MED25: variants seen among roughly 807,000 people sequenced by gnomAD.
MED25 encodes mediator complex subunit 25.
In MED25, 62 loss-of-function variants were observed where a neutral mutation model predicts 89.4. The ratio of observed to expected loss-of-function variants is 0.69; its 90% CI spans 0.57 to 0.86. The LOEUF (loss-of-function observed/expected upper bound fraction) is 0.86. Ranked by LOEUF, MED25 falls within the 40% of genes least tolerant of loss-of-function variation. MED25 has a pLI of 0.00. For missense variants in MED25, 905 were observed against 1,005.2 expected (o/e 0.90, Z 1.35); for synonymous variants, 449 against 427.9 (o/e 1.05, Z -0.61).
rs146561968 is a variant in MED25 at position 49,836,662 on chromosome 19, C to T, written c.2147-185C>T. 7.3e-4 allele frequency: 539 copies of T among 738,122 alleles called. 4 individuals are homozygous for T. In the East Asian group the frequency reaches 0.014, roughly 19 times the overall value. The allele number at this position is 738,122 out of a possible 1,614,324, so 45.7% of individuals were successfully genotyped here. The stretch of plus-strand genomic sequence containing the variant: ...TTGCTGGGAAATGTGGTCTTAGGGC[C>T]AGAGAAGTAGTTTTGGAGAAGGGCC... On this transcript the variant is annotated intron_variant, in intron 17 of 17. Coordinates refer to ENST00000312865, the MANE Select transcript of MED25 (RefSeq NM_030973.4). This position sits in a 1 kb window ranked among gnomAD's most constrained non-coding sequence, Gnocchi z 5.1.
In MED25 at chr19:49,836,367, T is replaced by G; in HGVS notation, c.2107T>G (p.Ser703Ala). 6.2e-7 allele frequency: 1 copy of G among 1,607,278 alleles called. No homozygotes were observed. The highest frequency in any genetic ancestry group is 8.5e-7 in the Non-Finnish European group (1 of 1,177,274). Residue 703 changes from serine to alanine, a missense_variant, in exon 17 of 18, where the codon TCC becomes GCC. Physicochemically the swap from Ser to Ala is moderately conservative, Grantham distance 99. Transcript: ENST00000312865. The surrounding 1 kb of genome is among the most constrained non-coding windows in gnomAD (Gnocchi z 5.1). The stretch of plus-strand genomic sequence containing the variant: ...ACTCCTGCATCCACCACCTGCCCAG[T>G]CCTGGCCCGCACAACTTCCCCCTCG... The part of the protein sequence containing the change: ...PPLLHPPPAQ[S>A]WPAQLPPRAP...
chr19:49,818,463 T>C lies in MED25; in HGVS notation c.122T>C (p.Leu41Pro). 2 of 1,614,174 alleles carry C rather than the reference T, an allele frequency of 1.2e-6. No homozygotes were observed. Among genetic ancestry groups the C allele is most frequent in the Non-Finnish European group, 1.7e-6 (2 of 1,180,026 alleles). Residue 41 changes from leucine (L) to proline (P), a missense_variant, in exon 1 of 18, where the codon CTC (leucine) becomes CCC (proline). By Grantham distance (98) the Leu-to-Pro change is moderately conservative. Coordinates refer to ENST00000312865, the MANE Select transcript of MED25 (RefSeq NM_030973.4). ...YFEGLRKHYL[L>P]PAIEYFNGGP... is the part of the protein sequence containing the mutation. ...GAGGGGCTCCGCAAGCACTACCTGC[T>C]CCCGGCCATCGAGTGAGTGCTGTTT...
intron 3 of MED25, 130 bp downstream of exon 3, chr19:49,819,426 C>A: frequency 1.0e-6 from 1 of 971,168 alleles, no homozygotes; most frequent in Non-Finnish European, 1.6e-6. Flanking sequence ...TTGGTGTCCC[C>A]GTGAGGGGCT....
At position 49,835,768 on chromosome 19, in the gene MED25, A is replaced by G. The variant is rs1185106322; in HGVS notation, c.1788A>G (p.Val596=). The G allele has an allele frequency of 6.0e-5, 96 of 1,609,398 alleles. No individual in the cohort carries two copies. The highest frequency in any genetic ancestry group is 1.9e-5 in the Non-Finnish European group (22 of 1,177,754). ...CGCAGCCCCAGCCTCAGGGTACCGT[A>G]GGGGCCTCTGGGGCCACGGGGCAGC... is the stretch of plus-strand genomic sequence containing the variant. The part of the protein sequence containing the change: ...RPPQPQPQGT[V]GASGATGQPQ... The change falls in exon 16 of 18, where the codon GTA becomes GTG. Residue 596 remains valine, a synonymous_variant. Coordinates refer to ENST00000312865, the MANE Select transcript of MED25 (RefSeq NM_030973.4). The surrounding 1 kb of genome is among the most constrained non-coding windows in gnomAD (Gnocchi z 6.2).
chr19:49,836,256 T>C lies in MED25; in HGVS notation c.1996T>C (p.Ser666Pro). ...PQTGVPPPQA[S>P]LHHLQPPGAP... Reference sequence around the variant, plus strand: ...GACTGGGGTGCCCCCACCCCAGGCCTCCCTCCACCACCTCCAGCCACCAGG... The same window carrying C: ...GACTGGGGTGCCCCCACCCCAGGCCCCCCTCCACCACCTCCAGCCACCAGG... Residue 666 changes from serine to proline, a missense_variant, in exon 17 of 18, where the codon TCC (serine) becomes CCC (proline). Physicochemically the swap from Ser to Pro is moderately conservative, Grantham distance 74. This residue lies in a region of MED25 where 271 missense variants were observed against 258.1 expected (regional missense o/e 1.05). Transcript: ENST00000312865. This position sits in a 1 kb window ranked among gnomAD's most constrained non-coding sequence, Gnocchi z 5.1. 6.2e-7 allele frequency: 1 copy of C among 1,612,224 alleles called. No homozygotes were observed. The highest frequency in any genetic ancestry group is 1.7e-4 in the Middle Eastern group (1 of 5,888).
chr19:49,819,772 G>T (rs1600314016), intron 3 of MED25: 1 of 284,642 alleles, frequency 3.5e-6, no homozygotes, highest in East Asian at 9.8e-5. Flanking sequence ...TGTAGCCTCA[G>T]TGCAGGGGGA....
Position 49,834,643 on chromosome 19 carries a change from C to T in MED25, c.1483-343C>T, listed in dbSNP as rs1419783388. 25 of 393,628 alleles carry T rather than the reference C, an allele frequency of 6.4e-5. No individual in the cohort carries two copies. The Admixed American group carries it at 8.0e-4, about 13-fold the overall frequency. 24.4% of individuals were successfully genotyped at this position (393,628 alleles called of 1,614,324 possible). Reference sequence around the variant, plus strand: ...ACGCTGTGCATCTAGGCCGCTCTCCCGGCCGTGACCCTCAGCCGCCCTCTG... The same window carrying T: ...ACGCTGTGCATCTAGGCCGCTCTCCTGGCCGTGACCCTCAGCCGCCCTCTG... On this transcript the variant is annotated intron_variant, in intron 13 of 17. Coordinates refer to ENST00000312865, the MANE Select transcript of MED25 (RefSeq NM_030973.4). The surrounding 1 kb of genome is among the most constrained non-coding windows in gnomAD (Gnocchi z 4.1).
intron 3 of MED25, among the ~76,000 whole-genome samples, chr19:49,828,015 G>A (rs2074026490): frequency 1.3e-5 from 2 of 152,124 alleles, no homozygotes; most frequent in Non-Finnish European, 1.5e-5. Flanking sequence ...GGATCATGAG[G>A]TCAGGAGATG....
Position 49,829,998 on chromosome 19 carries a change from A to C in MED25, c.688+50A>C, listed in dbSNP as rs371903389. On this transcript the variant is annotated intron_variant, in intron 6 of 17. Coordinates refer to ENST00000312865, the MANE Select transcript of MED25 (RefSeq NM_030973.4). The surrounding 1 kb of genome is among the most constrained non-coding windows in gnomAD (Gnocchi z 4.6). The stretch of plus-strand genomic sequence containing the variant: ...GGATGGGGGCTCGACGTGTTTCCCC[A>C]GCTCCCTCTGACTTGGATTTTGGAT... The C allele has an allele frequency of 6.3e-7, 1 of 1,598,914 alleles. No individual in the cohort carries two copies. The highest frequency in any genetic ancestry group is 8.5e-7 in the Non-Finnish European group (1 of 1,171,046).
chr19:49,818,729 G>A (rs988449841), intron 2 of MED25, 113 bp downstream of exon 2: 2 of 1,041,900 alleles, frequency 1.9e-6, no homozygotes, highest in Admixed American at 1.9e-5. Flanking sequence ...GGGAGGAGGG[G>A]CTGGGGGTCT....
Position 49,835,235 on chromosome 19 carries a change from T to G in MED25, c.1674+58T>G. On this transcript the variant is annotated intron_variant, in intron 14 of 17. Transcript: ENST00000312865. The surrounding 1 kb of genome is among the most constrained non-coding windows in gnomAD (Gnocchi z 6.2). ...GACCCCCTCCTGCCCGGGCCCCACA[T>G]GGCCCCCTGGGGTCTCCAGGACCAA... The G allele has an allele frequency of 6.3e-7, 1 of 1,577,680 alleles. No homozygotes were observed. The highest frequency in any genetic ancestry group is 8.7e-7 in the Non-Finnish European group (1 of 1,147,726).
In MED25 at chr19:49,831,241, C is replaced by CT; in HGVS notation, c.1102-89dup. 7.3e-7 allele frequency: 1 copy of CT among 1,372,966 alleles called. No individual in the cohort carries two copies. Among genetic ancestry groups the CT allele is most frequent in the East Asian group, 2.5e-5 (1 of 40,774 alleles). The allele number at this position is 1,372,966 out of a possible 1,614,324, so 85.0% of individuals were successfully genotyped here. Reference sequence around the variant, plus strand: ...GGGATGGAGGGGCAGAAGAAGGGATCTTTCCTCCTTCCTGGTTTGCCCTCA... The same window carrying CT: ...GGGATGGAGGGGCAGAAGAAGGGATCTTTTCCTCCTTCCTGGTTTGCCCTCA... On this transcript the variant is annotated intron_variant, in intron 9 of 17. Coordinates refer to ENST00000312865, the MANE Select transcript of MED25 (RefSeq NM_030973.4). The surrounding 1 kb of genome is among the most constrained non-coding windows in gnomAD (Gnocchi z 5.0).
chr19:49,821,081 G>A (rs2073978553), intron 3 of MED25, among the ~76,000 whole-genome samples: 1 of 152,200 alleles, frequency 6.6e-6, no homozygotes, highest in Admixed American at 6.5e-5. Context: ...TTGGGCTGAG[G>A]GTCTCACAAG....
In MED25 at chr19:49,829,084, TGGGGAG is replaced by T. The variant is rs756377221; in HGVS notation, c.521_525+1del. 1.9e-6 allele frequency: 3 copies of T among 1,613,530 alleles called. No individual in the cohort carries two copies. Among genetic ancestry groups the T allele is most frequent in the Non-Finnish European group, 2.5e-6 (3 of 1,179,782 alleles). On this transcript the variant is annotated inframe_deletion and splice_region_variant, in exon 5 of 18. Coordinates refer to ENST00000312865, the MANE Select transcript of MED25 (RefSeq NM_030973.4). The surrounding 1 kb of genome is among the most constrained non-coding windows in gnomAD (Gnocchi z 4.6). ...CAACTGAGAATCTTGTGCAGCAGATTGGGGAGGTGAGGACTCCAGGGTCTGAGGGAC... is the reference window on the plus strand; with the variant it reads ...CAACTGAGAATCTTGTGCAGCAGATTGTGAGGACTCCAGGGTCTGAGGGAC...
rs761372705 is a variant in MED25 at position 49,818,492 on chromosome 19, C to T, written c.134+17C>T. 5 of 1,614,084 alleles carry T rather than the reference C, an allele frequency of 3.1e-6. No individual in the cohort carries two copies. The highest frequency in any genetic ancestry group is 4.2e-6 in the Non-Finnish European group (5 of 1,180,050). ...GGCCATCGAGTGAGTGCTGTTTCCGCGACTCTAACCCCGCCCTCCCACTTC... is the reference window on the plus strand; with the variant it reads ...GGCCATCGAGTGAGTGCTGTTTCCGTGACTCTAACCCCGCCCTCCCACTTC... On this transcript the variant is annotated intron_variant, in intron 1 of 17. Coordinates refer to ENST00000312865, the MANE Select transcript of MED25 (RefSeq NM_030973.4).
chr19:49,837,335 A>T (rs546864331), downstream of MED25, among the ~76,000 whole-genome samples: 2 of 152,358 alleles, frequency 1.3e-5, no homozygotes, highest in South Asian at 4.1e-4. Context: ...AGAAACTTTG[A>T]ATACTCAAAG....
At chr19:49,825,831 CAAAA>C (rs923064334) in intron 3 of MED25, among the ~76,000 whole-genome samples, 1 of 147,544 alleles carries the variant, frequency 6.8e-6, no homozygotes, top group Non-Finnish European at 1.5e-5. Context: ...AACTCCATCT[CAAAA>C]AAAAAAATTT....
rs916897636 is a variant in MED25 at position 49,831,522 on chromosome 19, T to C, written c.1230+61T>C. On this transcript the variant is annotated intron_variant, in intron 10 of 17. Coordinates refer to ENST00000312865, the MANE Select transcript of MED25 (RefSeq NM_030973.4). The surrounding 1 kb of genome is among the most constrained non-coding windows in gnomAD (Gnocchi z 5.0). ...TCCTGGGGCCGTGGGGCTGGGCATG[T>C]AGGACTCATGGGGCCAGATGCGTGG... 6.3e-6 allele frequency: 10 copies of C among 1,578,934 alleles called. No individual in the cohort carries two copies. Among genetic ancestry groups the C allele is most frequent in the Non-Finnish European group, 7.8e-6 (9 of 1,159,248 alleles).
At chr19:49,824,090 G>A in intron 3 of MED25, among the ~76,000 whole-genome samples, 1 of 152,122 alleles carries the variant, frequency 6.6e-6, no homozygotes, top group Non-Finnish European at 1.5e-5. Flanking sequence ...CAAGTGCCTG[G>A]CAGCCAGCAC....
Sources: allele counts gnomAD v4.1 joint callset (sites outside exome capture counted in the v4.1 genomes callset), GRCh38; gene constraint gnomAD v4.1.1; regional missense constraint gnomAD v4.1.1; non-coding constraint Gnocchi (gnomAD v3.1); transcripts MANE v1.5; gene names NCBI Gene and HGNC (gene_info 2026-07-23, HGNC 2026-07-21).